HERPUD1: variants seen among roughly 807,000 people sequenced by gnomAD.
HERPUD1 encodes the protein homocysteine inducible ER protein with ubiquitin like domain 1.
HERPUD1 carries 17 observed loss-of-function variants against 45.0 expected under a neutral mutation model. The ratio of observed to expected loss-of-function variants is 0.38; its 90% confidence interval spans 0.26 to 0.57. HERPUD1 has a LOEUF of 0.57. HERPUD1 is among the 20% of genes least tolerant of loss of function. The pLI, the probability that HERPUD1 is intolerant of heterozygous loss-of-function variation, is 0.72. For synonymous variants in HERPUD1, 164 were observed against 177.5 expected (o/e 0.92, Z 0.61); for missense variants, 420 against 490.5 (o/e 0.86, Z 1.36).
At chr16:56,938,577 A>AG (rs1368649297) in intron 4 of HERPUD1, among the ~76,000 whole-genome samples, 1 of 144,404 alleles carries the variant, frequency 6.9e-6, no homozygotes, top group African/African-American at 2.6e-5. Flanking sequence ...AAAAAAAAAA[A>AG]GAAGCATGCA....
In HERPUD1 at chr16:56,939,229, A is replaced by G. The variant is rs778898440; in HGVS notation, c.432-8A>G. 1.7e-5 allele frequency: 27 copies of G among 1,613,038 alleles called. No homozygotes were observed. The highest frequency in any genetic ancestry group is 1.6e-4 in the Middle Eastern group (1 of 6,078). On this transcript the variant is annotated splice_region_variant and splice_polypyrimidine_tract_variant and intron_variant, in intron 4 of 7. Coordinates refer to ENST00000439977, the MANE Select transcript of HERPUD1 (RefSeq NM_014685.4). The stretch of plus-strand genomic sequence containing the variant: ...TCAAAATGAGTGTTTTTTCAAATCT[A>G]TGTATAGGCCTGAAGCTGCCCAGCA...
chr16:56,932,941 C>T (rs758247800), intron 1 of HERPUD1, among the ~76,000 whole-genome samples: 9 of 152,218 alleles, frequency 5.9e-5, no homozygotes, highest in Non-Finnish European at 1.2e-4. Flanking sequence ...GGGTGGAGCC[C>T]CGTGCACTTT....
chr16:56,943,083 GT>G, intron 7 of HERPUD1, 42 bp from the exon 8 acceptor site: 1 of 1,595,354 alleles, frequency 6.3e-7, no homozygotes, highest in Non-Finnish European at 8.6e-7. Context: ...AGCCCTAATT[GT>G]TTTCTCATTG....
rs34040285 is a variant in HERPUD1 at position 56,942,180 on chromosome 16, C to G, written c.954C>G (p.Phe318Leu). The change falls in exon 7 of 8, where the codon TTC becomes TTG. Residue 318 changes from phenylalanine to leucine, a missense_variant. Phe to Leu is a conservative substitution (Grantham distance 22). Transcript: ENST00000439977. ...TTAGACCGAGGCCGGTTCAGAACTT[C>G]CCAAATGATGGTCCTCCTCCTGACG... ...FPFRPRPVQNFPNDGPPPDVV... is the reference protein window; with the variant it reads ...FPFRPRPVQNLPNDGPPPDVV... The G allele has an allele frequency of 6.8e-6, 11 of 1,614,074 alleles. No individual in the cohort carries two copies. In the African/African-American group the frequency reaches 9.3e-5, roughly 14 times the overall value.
chr16:56,934,702 C>CTTT (rs869088050), intron 1 of HERPUD1, among the ~76,000 whole-genome samples: 3,982 of 59,886 alleles, frequency 0.066, 733 homozygotes, highest in Non-Finnish European at 0.076. Flanking sequence ...ATTTGCCATT[C>CTTT]TTTTTTTTTT....
intron 4 of HERPUD1, 199 bp downstream of exon 4, chr16:56,937,016 T>A: frequency 2.4e-6 from 1 of 423,846 alleles, no homozygotes; most frequent in Non-Finnish European, 4.1e-6. Context: ...CACACAAATT[T>A]AAAAAGTAGG....
rs1354647522 is a variant in HERPUD1, at chr16:56,932,181, G to T, written c.-64G>T. 1 of 1,576,322 alleles carries T rather than the reference G, an allele frequency of 6.3e-7. No individual in the cohort carries two copies. The highest frequency in any genetic ancestry group is 1.1e-5 in the South Asian group (1 of 88,078). On this transcript the variant is annotated 5_prime_UTR_variant, in exon 1 of 8. Transcript: ENST00000439977. ...AACTGTCGTTGCAGAGATTGCGGGC[G>T]GCTGAGACGCCGCCTGCCTGGCACC...
chr16:56,937,366 G>C (rs748407218), intron 4 of HERPUD1: 6 of 152,052 alleles, frequency 3.9e-5, no homozygotes, highest in Non-Finnish European at 8.8e-5. Context: ...TTGTTTTTGG[G>C]GAAAAATTCA....
chr16:56,935,542 A>C, intron 3 of HERPUD1, 67 bp downstream of exon 3: 1 of 1,347,076 alleles, frequency 7.4e-7, no homozygotes, highest in Non-Finnish European at 1.1e-6. Context: ...TAATAAAAGA[A>C]GTTGGATAAA....
chr16:56,938,224 CA>C (rs1305936691), intron 4 of HERPUD1, among the ~76,000 whole-genome samples: 1 of 152,156 alleles, frequency 6.6e-6, no homozygotes, highest in Non-Finnish European at 1.5e-5. Context: ...AGATGACTCG[CA>C]TACACCTGCC....
intron 4 of HERPUD1, 48 bp downstream of exon 4, chr16:56,936,865 C>T (rs768120116): frequency 3.8e-6 from 6 of 1,592,248 alleles, no homozygotes; most frequent in African/African-American, 2.7e-5. Context: ...GAATGTTCCT[C>T]GTTTGCATCA....
intron 3 of HERPUD1, chr16:56,936,019 G>C (rs2055863706): frequency 6.5e-6 from 1 of 154,624 alleles, no homozygotes; most frequent in South Asian, 2.0e-4. Flanking sequence ...CTCCTGAGTA[G>C]CTGGGACTAC....
chr16:56,939,731 T>C (rs556176272), intron 5 of HERPUD1, among the ~76,000 whole-genome samples, 164 bp from the exon 6 acceptor site: 2 of 152,356 alleles, frequency 1.3e-5, no homozygotes, highest in East Asian at 3.9e-4. Flanking sequence ...AAAAGGCATT[T>C]ATAGATATAG....
At position 56,940,090 on chromosome 16, in the gene HERPUD1, T is replaced by C; in HGVS notation, c.750T>C (p.Gly250=). 6.2e-7 allele frequency: 1 copy of C among 1,614,172 alleles called. No individual in the cohort carries two copies. The highest frequency in any genetic ancestry group is 8.5e-7 in the Non-Finnish European group (1 of 1,180,030). The change falls in exon 6 of 8, where the codon GGT becomes GGC. Residue 250 remains glycine, a synonymous_variant. Transcript: ENST00000439977. ...AAAATTTGCGGATGAATGCACAAGG[T>C]GGCCCTATTGTGGAAGAAGATGATG... The part of the protein sequence containing the change: ...ANQNLRMNAQ[G]GPIVEEDDEI...
At position 56,939,899 on chromosome 16, in the gene HERPUD1, G is replaced by A. The variant is rs767858225; in HGVS notation, c.559G>A (p.Ala187Thr). ...CCTCTGTCGTTTTTATTTTAGTTTA[G>A]CAGCCACTGCTGCATCAGGGGCTTT... Reference protein sequence around the residue: ...YARQYYMQYLAATAASGAFVP... With the variant: ...YARQYYMQYLTATAASGAFVP... The change falls in exon 6 of 8, where the codon GCA becomes ACA. Residue 187 changes from alanine (A) to threonine (T), a missense_variant. By Grantham distance (58) the Ala-to-Thr change is moderately conservative. Transcript: ENST00000439977. 9 of 1,553,102 alleles carry A rather than the reference G, an allele frequency of 5.8e-6. No homozygotes were observed. The South Asian group carries it at 7.8e-5, about 13-fold the overall frequency.
chr16:56,933,390 A>G (rs2055841912), intron 1 of HERPUD1: 1 of 454,106 alleles, frequency 2.2e-6, no homozygotes, highest in African/African-American at 2.0e-5. Context: ...TGTCCTCTAG[A>G]ATTCACCCTG....
At chr16:56,937,235 C>T (rs1189780744) in intron 4 of HERPUD1, 2 of 152,730 alleles carry the variant, frequency 1.3e-5, no homozygotes, top group African/African-American at 4.8e-5. Flanking sequence ...AAGTGTCCTT[C>T]CAAAGACTTG....
intron 4 of HERPUD1, among the ~76,000 whole-genome samples, chr16:56,937,807 A>G (rs1195283594): frequency 2.6e-5 from 4 of 151,440 alleles, no homozygotes; most frequent in Non-Finnish European, 5.9e-5. Flanking sequence ...TTCTTAAATG[A>G]TCAAAAACAG....
chr16:56,942,113 T>C lies in HERPUD1; in HGVS notation c.906-19T>C. Reference sequence around the variant, plus strand: ...CTGTGACATCAGCTAAGATGGACTTTTATGTGCTTCCTTTGAAGGCATCAC... The same window carrying C: ...CTGTGACATCAGCTAAGATGGACTTCTATGTGCTTCCTTTGAAGGCATCAC... On this transcript the variant is annotated intron_variant, in intron 6 of 7. Transcript: ENST00000439977. The C allele has an allele frequency of 1.2e-6, 2 of 1,601,530 alleles. No individual in the cohort carries two copies. The highest frequency in any genetic ancestry group is 1.7e-6 in the Non-Finnish European group (2 of 1,168,506).
Sources: gnomAD v4.1 joint callset for allele counts (sites outside exome capture counted in the v4.1 genomes callset) on GRCh38, gnomAD v4.1.1 for gene constraint, MANE v1.5 for transcripts, NCBI Gene and HGNC (gene_info 2026-07-23, HGNC 2026-07-21) for gene names.